Variants in SUPT3H observed in about 807,000 individuals in gnomAD.
SUPT3H encodes transcription initiation protein SPT3 homolog.
Under a neutral mutation model 44.3 loss-of-function variants are expected in SUPT3H, and 44 were observed. The ratio of observed to expected loss-of-function variants is 0.99; its 90% confidence interval spans 0.78 to 1.28. SUPT3H has a LOEUF of 1.28. SUPT3H is among the 50% of genes most tolerant of loss of function. The probability of loss-of-function intolerance (pLI) is 0.00; values close to 1 mark genes in which losing one functional copy is unlikely to be tolerated. For synonymous variants in SUPT3H, 124 were observed against 125.6 expected (o/e 0.99, Z 0.09); for missense variants, 380 against 387.1 (o/e 0.98, Z 0.15).
chr6:45,191,427 T>A (rs149927159), intron 2 of SUPT3H, among the ~76,000 whole-genome samples: 1 of 152,026 alleles, frequency 6.6e-6, no homozygotes, highest in Admixed American at 6.6e-5. Flanking sequence ...GAGGGAGGAA[T>A]AGGTGGAGCA....
intron 2 of SUPT3H, among the ~76,000 whole-genome samples, chr6:45,110,251 G>A (rs111890050): frequency 4.5e-4 from 69 of 152,264 alleles, no homozygotes; most frequent in African/African-American, 1.4e-3. Context: ...TCTGCAATCC[G>A]CTTGACAGGT....
intron 10 of SUPT3H, among the ~76,000 whole-genome samples, chr6:44,881,053 T>C (rs1424342164): frequency 6.6e-6 from 1 of 151,932 alleles, no homozygotes; most frequent in Non-Finnish European, 1.5e-5. Context: ...TCACACATAA[T>C]AATATTAATG....
intron 10 of SUPT3H, among the ~76,000 whole-genome samples, chr6:44,908,110 G>A (rs1222373119): frequency 1.3e-5 from 2 of 150,718 alleles, no homozygotes; most frequent in African/African-American, 4.9e-5. Context: ...TTTAACCAGT[G>A]CAAAAATGTA....
chr6:45,273,935 A>G (rs1776614064), intron 2 of SUPT3H, among the ~76,000 whole-genome samples: 1 of 152,210 alleles, frequency 6.6e-6, no homozygotes, highest in Non-Finnish European at 1.5e-5. Flanking sequence ...CATTCCCATC[A>G]ACATTGTAAG....
At chr6:44,813,255 A>G (rs9472368) in intron 11 of SUPT3H, among the ~76,000 whole-genome samples, 1 of 152,178 alleles carries the variant, frequency 6.6e-6, no homozygotes. Context: ...GTGCAATCAT[A>G]ACTCACAGCA....
chr6:45,107,267 T>G (rs1031886501), intron 2 of SUPT3H, among the ~76,000 whole-genome samples: 2 of 152,158 alleles, frequency 1.3e-5, no homozygotes, highest in African/African-American at 4.8e-5. Flanking sequence ...TACTGAACCT[T>G]CAAAATTTAT....
intron 5 of SUPT3H, among the ~76,000 whole-genome samples, chr6:45,009,965 C>T (rs1458639755): frequency 7.8e-6 from 1 of 128,720 alleles, no homozygotes; most frequent in African/African-American, 2.9e-5. Context: ...CTGAATGTTC[C>T]AATCCATGAA....
At chr6:44,896,881 A>G (rs1300473313) in intron 10 of SUPT3H, among the ~76,000 whole-genome samples, 1 of 152,234 alleles carries the variant, frequency 6.6e-6, no homozygotes, top group South Asian at 2.1e-4. Context: ...CGATGACACA[A>G]TGAAGATGGC....
intron 2 of SUPT3H, among the ~76,000 whole-genome samples, chr6:45,108,273 T>A (rs1015954736): frequency 6.6e-6 from 1 of 152,170 alleles, no homozygotes; most frequent in Non-Finnish European, 1.5e-5. Context: ...CTCAGGAGTT[T>A]GAGACCAGCC....
intron 2 of SUPT3H, among the ~76,000 whole-genome samples, chr6:45,317,096 A>C (rs1434214130): frequency 1.3e-5 from 2 of 151,724 alleles, no homozygotes; most frequent in African/African-American, 2.4e-5. Flanking sequence ...GCATCGTGGC[A>C]TGCACAGATA....
chr6:45,244,060 T>C (rs778034052), intron 2 of SUPT3H, among the ~76,000 whole-genome samples: 1 of 152,068 alleles, frequency 6.6e-6, no homozygotes, highest in Non-Finnish European at 1.5e-5. Context: ...TTTTTTCTAT[T>C]TTTTGTAGAG....
At chr6:45,354,948 A>G (rs910006106) in intron 2 of SUPT3H, among the ~76,000 whole-genome samples, 1 of 152,092 alleles carries the variant, frequency 6.6e-6, no homozygotes, top group African/African-American at 2.4e-5. Context: ...AAGAAACTGG[A>G]AAGATAAATA....
intron 3 of SUPT3H, among the ~76,000 whole-genome samples, chr6:45,061,893 G>GTT (rs34656186): frequency 7.4e-4 from 69 of 93,510 alleles, no homozygotes; most frequent in Non-Finnish European, 1.1e-3. Context: ...TCCATAAGCT[G>GTT]TTTTTTTTTT....
At chr6:45,150,207 C>T (rs934398296) in intron 2 of SUPT3H, among the ~76,000 whole-genome samples, 2 of 152,042 alleles carry the variant, frequency 1.3e-5, no homozygotes, top group Non-Finnish European at 2.9e-5. Context: ...GAAAATTATA[C>T]ATTTTAAATT....
intron 2 of SUPT3H, among the ~76,000 whole-genome samples, chr6:45,176,760 C>T (rs540490447): frequency 6.6e-6 from 1 of 152,316 alleles, no homozygotes; most frequent in East Asian, 1.9e-4. Flanking sequence ...CAAGTGGGTC[C>T]CTGACCCCTG....
intron 10 of SUPT3H, among the ~76,000 whole-genome samples, chr6:44,919,205 T>G (rs929846448): frequency 6.6e-6 from 1 of 152,200 alleles, no homozygotes; most frequent in Non-Finnish European, 1.5e-5. Context: ...GACGATAGCT[T>G]CTCACAGAGA....
intron 2 of SUPT3H, among the ~76,000 whole-genome samples, chr6:45,152,865 A>T (rs1807175288): frequency 6.6e-6 from 1 of 152,112 alleles, no homozygotes; most frequent in Admixed American, 6.6e-5. Context: ...ATATATATAC[A>T]TTTAAATAAA....
chr6:45,314,012 C>T (rs1023257548), intron 2 of SUPT3H, among the ~76,000 whole-genome samples: 3 of 152,118 alleles, frequency 2.0e-5, no homozygotes, highest in Admixed American at 6.6e-5. Flanking sequence ...AAATATATTT[C>T]ACCACATAAA....
intron 2 of SUPT3H, among the ~76,000 whole-genome samples, chr6:45,305,120 T>C (rs1347419332): frequency 6.6e-6 from 1 of 152,218 alleles, no homozygotes; most frequent in East Asian, 1.9e-4. Flanking sequence ...CATGGCTAAT[T>C]ATAGTTTGTA....
Sources: allele counts gnomAD v4.1 joint callset (sites outside exome capture counted in the v4.1 genomes callset), GRCh38; gene constraint gnomAD v4.1.1; transcripts MANE v1.5; gene names NCBI Gene and HGNC (gene_info 2026-07-23, HGNC 2026-07-21).